Variants in ELN observed in about 807,000 individuals in gnomAD.
ELN encodes the protein tropoelastin.
A neutral mutation model predicts 105.8 loss-of-function variants in ELN; 65 were observed. The observed-to-expected ratio is 0.61, with a 90% CI of 0.50 to 0.75. ELN has a LOEUF of 0.75. Ranked by LOEUF, ELN falls within the 30% of genes least tolerant of loss-of-function variation. ELN has a pLI of 0.00. For synonymous variants in ELN, 368 were observed against 389.2 expected, an observed-to-expected ratio of 0.95 and a Z score of 0.64; for missense variants, 882 against 969.4, an observed-to-expected ratio of 0.91 and a Z score of 1.20.
intron 29 of ELN, 76 bp from the exon 30 acceptor site, chr7:74,065,616 GAA>G (rs71519315): frequency 0.012 from 14,362 of 1,241,990 alleles, no homozygotes; most frequent in Non-Finnish European, 0.012. Context: ...TCTGCCTCAA[GAA>G]AAAAAAAAAA....
At chr7:74,033,995 G>T (rs2131084500) in intron 1 of ELN, among the ~76,000 whole-genome samples, 1 of 152,312 alleles carries the variant, frequency 6.6e-6, no homozygotes, top group South Asian at 2.1e-4. Flanking sequence ...GCGTTCCCCA[G>T]TGAGAGCTTC....
At chr7:74,038,872 A>C (rs879960454) in intron 4 of ELN, among the ~76,000 whole-genome samples, 3 of 152,208 alleles carry the variant, frequency 2.0e-5, no homozygotes, top group Non-Finnish European at 4.4e-5. Flanking sequence ...GAGAGGCGGG[A>C]GAACGGGGTG....
At chr7:74,066,915 G>GT in intron 32 of ELN, 139 bp downstream of exon 32, 1 of 858,612 alleles carries the variant, frequency 1.2e-6, no homozygotes, top group Non-Finnish European at 1.9e-6. Context: ...ACACGAGGCT[G>GT]GACCCCGAGC....
chr7:74,065,072 CCCA>C, intron 29 of ELN, among the ~76,000 whole-genome samples: 1 of 151,838 alleles, frequency 6.6e-6, no homozygotes, highest in South Asian at 2.1e-4. Flanking sequence ...AAGACCCCCC[CCCA>C]CCACCACCTC....
chr7:74,065,585 G>C, intron 29 of ELN, 109 bp from the exon 30 acceptor site: 2 of 1,350,802 alleles, frequency 1.5e-6, no homozygotes, highest in Non-Finnish European at 1.0e-6. Flanking sequence ...CTGCACTCCA[G>C]CCCAGGCGAA....
chr7:74,053,974 G>A (rs1453512626), intron 18 of ELN, among the ~76,000 whole-genome samples: 2 of 151,918 alleles, frequency 1.3e-5, no homozygotes, highest in African/African-American at 4.8e-5. Flanking sequence ...GGATGAATGG[G>A]TAGATGGGTG....
chr7:74,035,430 C>A lies in ELN; in HGVS notation c.133+16C>A, dbSNP rs144223231. On this transcript the variant is annotated intron_variant, in intron 2 of 32. Transcript: ENST00000252034. ...TTTTATCCAGGTAACGTACATGAAA[C>A]TTCCACACACCCAGGTCATGCGGAT... 5,222 of 1,614,074 alleles carry A rather than the reference C, an allele frequency of 3.2e-3. 12 individuals are homozygous for A. The highest frequency in any genetic ancestry group is 6.7e-3 in the Admixed American group (405 of 60,020).
At chr7:74,052,980 C>A in intron 17 of ELN, 183 bp from the exon 18 acceptor site, 1 of 747,074 alleles carries the variant, frequency 1.3e-6, no homozygotes, top group Non-Finnish European at 2.2e-6. Context: ...AATCCTAGAG[C>A]TCTTTAGGGA....
intron 2 of ELN, among the ~76,000 whole-genome samples, chr7:74,036,070 C>T (rs1446421100): frequency 6.6e-6 from 1 of 152,026 alleles, no homozygotes; most frequent in Non-Finnish European, 1.5e-5. Flanking sequence ...GCAGGCGGAT[C>T]ACAAGGTCAG....
At chr7:74,028,340 C>A in intron 1 of ELN, 71 bp downstream of exon 1, 1 of 1,520,004 alleles carries the variant, frequency 6.6e-7, no homozygotes, top group African/African-American at 1.4e-5. Flanking sequence ...TGACTAGACG[C>A]TCAAGGGGGA....
In ELN at chr7:74,042,654, G is replaced by C. The variant is rs782809370; in HGVS notation, c.273G>C (p.Leu91=). The C allele has an allele frequency of 2.5e-6, 4 of 1,613,526 alleles. No individual in the cohort carries two copies. The African/African-American group carries it at 5.3e-5, about 22-fold the overall frequency. ...AFPAVTFPGA[L]VPGGVADAAA... ...CCGCAGTTACCTTTCCGGGGGCTCT[G>C]GTGCCTGGTGGAGTGGCTGACGCTG... is the stretch of plus-strand genomic sequence containing the variant. Residue 91 remains leucine, a synonymous_variant, in exon 6 of 33, where the codon CTG becomes CTC. Coordinates refer to ENST00000252034, the MANE Select transcript of ELN (RefSeq NM_000501.4).
intron 1 of ELN, among the ~76,000 whole-genome samples, chr7:74,031,101 C>T (rs1467435787): frequency 6.6e-6 from 1 of 152,216 alleles, no homozygotes; most frequent in Non-Finnish European, 1.5e-5. Flanking sequence ...ATCGGCTGGC[C>T]CCAGGCTCGC....
Position 74,063,452 on chromosome 7 carries a change from G to C in ELN, c.1918+83G>C, listed in dbSNP as rs781914243. On this transcript the variant is annotated intron_variant, in intron 28 of 32. Coordinates refer to ENST00000252034, the MANE Select transcript of ELN (RefSeq NM_000501.4). This position sits in a 1 kb window ranked among gnomAD's most constrained non-coding sequence, Gnocchi z 4.1. ...GAGGAGCTTCTGACCAGGCACTGTA[G>C]ACTCAGAGTCCCTGCCCCAGACACC... 3.8e-6 allele frequency: 6 copies of C among 1,569,094 alleles called. No homozygotes were observed. The highest frequency in any genetic ancestry group is 5.2e-6 in the Non-Finnish European group (6 of 1,160,704).
In ELN at chr7:74,038,117, G is replaced by C; in HGVS notation, c.196+378G>C. On this transcript the variant is annotated intron_variant, in intron 4 of 32. Coordinates refer to ENST00000252034, the MANE Select transcript of ELN (RefSeq NM_000501.4). Reference sequence around the variant, plus strand: ...TCCAAGCCTTACATGACCCTCGGGAGCTCAGACACAGATCCTCAGCCCCAG... The same window carrying C: ...TCCAAGCCTTACATGACCCTCGGGACCTCAGACACAGATCCTCAGCCCCAG... 5.8e-6 allele frequency: 2 copies of C among 342,506 alleles called. 1 individual carries two copies. Among genetic ancestry groups the C allele is most frequent in the South Asian group, 4.9e-5 (2 of 40,742 alleles). 21.2% of individuals were successfully genotyped at this position (342,506 alleles called of 1,614,324 possible).
At chr7:74,054,564 G>T in intron 18 of ELN, 152 bp from the exon 19 acceptor site, 1 of 773,124 alleles carries the variant, frequency 1.3e-6, no homozygotes, top group Non-Finnish European at 2.3e-6. Flanking sequence ...GGGCAGGTGG[G>T]TGGACATCAG....
chr7:74,045,863 T>C, intron 10 of ELN: 1 of 376,820 alleles, frequency 2.7e-6, no homozygotes, highest in Non-Finnish European at 5.0e-6. Context: ...GGTGAAGCCC[T>C]GTCTCTACTA....
chr7:74,049,243 C>A (rs964120321), intron 15 of ELN, among the ~76,000 whole-genome samples: 1 of 151,712 alleles, frequency 6.6e-6, no homozygotes, highest in Non-Finnish European at 1.5e-5. Context: ...TTCCTCCATG[C>A]AGCCATCTAT....
At chr7:74,045,447 C>T in intron 10 of ELN, 154 bp downstream of exon 10, 1 of 832,164 alleles carries the variant, frequency 1.2e-6, no homozygotes, top group Non-Finnish European at 2.0e-6. Context: ...GCTGAAAAAC[C>T]TCAGAGTGTG....
At chr7:74,065,616 GAAAA>G (rs71519315) in intron 29 of ELN, 74 bp from the exon 30 acceptor site, 578 of 1,274,382 alleles carry the variant, frequency 4.5e-4, no homozygotes, top group Non-Finnish European at 5.0e-4. Context: ...TCTGCCTCAA[GAAAA>G]AAAAAAAAAA....
Sources: allele counts gnomAD v4.1 joint callset (sites outside exome capture counted in the v4.1 genomes callset), GRCh38; gene constraint gnomAD v4.1.1; non-coding constraint Gnocchi (gnomAD v3.1); transcripts MANE v1.5; gene names NCBI Gene and HGNC (gene_info 2026-07-23, HGNC 2026-07-21).